The following BICC1 variants were observed in gnomAD, a reference collection of about 807,000 sequenced individuals.
BICC1 encodes the protein BicC family RNA binding protein 1, also known as protein bicaudal C homolog 1.
In BICC1, 43 loss-of-function variants were observed where a neutral mutation model predicts 111.0. The ratio of observed to expected loss-of-function variants is 0.39; its 90% CI spans 0.30 to 0.50. The LOEUF (loss-of-function observed/expected upper bound fraction) is 0.50, where lower values mean the gene tolerates loss of function less well. Among genes scored for constraint, BICC1 ranks in the 20% least tolerant of loss-of-function variants. BICC1 has a pLI of 0.88. For missense variants in BICC1, 1,091 were observed against 1,203.2 expected (o/e 0.91, Z 1.38); for synonymous variants, 467 against 434.4 (o/e 1.07, Z -0.93).
chr10:58,682,070 A>G (rs113936646), intron 2 of BICC1, among the ~76,000 whole-genome samples: 4 of 122,780 alleles, frequency 3.3e-5, no homozygotes, highest in African/African-American at 1.3e-4. Flanking sequence ...CCCTGTGTCC[A>G]AGTGTTCTCA....
At position 58,796,335 on chromosome 10, in the gene BICC1, CA is replaced by C; in HGVS notation, c.1180-4del. 1 of 1,612,398 alleles carries C rather than the reference CA, an allele frequency of 6.2e-7. No individual in the cohort carries two copies. Among genetic ancestry groups the C allele is most frequent in the Non-Finnish European group, 8.5e-7 (1 of 1,179,106 alleles). On this transcript the variant is annotated splice_region_variant and splice_polypyrimidine_tract_variant and intron_variant, in intron 9 of 20. Coordinates refer to ENST00000373886, the MANE Select transcript of BICC1 (RefSeq NM_001080512.3). ...CCTTTTTTCCCCCATTATGTGTTTT[CA>C]TAGTCTGTGATTGTGAAAAGTGTTG...
chr10:58,601,782 G>T (rs753702496), intron 1 of BICC1, among the ~76,000 whole-genome samples: 4 of 151,972 alleles, frequency 2.6e-5, no homozygotes, highest in Non-Finnish European at 5.9e-5. Context: ...TTCAACTGAG[G>T]TAAAATCTTT....
intron 3 of BICC1, among the ~76,000 whole-genome samples, chr10:58,709,632 C>T (rs1333647305): frequency 6.6e-6 from 1 of 152,188 alleles, no homozygotes; most frequent in Non-Finnish European, 1.5e-5. Flanking sequence ...GAATGTATAT[C>T]CCTAAGGTGT....
chr10:58,584,832 A>T (rs970521887), intron 1 of BICC1, among the ~76,000 whole-genome samples: 1 of 151,948 alleles, frequency 6.6e-6, no homozygotes, highest in Non-Finnish European at 1.5e-5. Flanking sequence ...CAAAATGGTT[A>T]TACAACATTT....
intron 4 of BICC1, among the ~76,000 whole-genome samples, chr10:58,786,572 T>A (rs1401282506): frequency 6.6e-6 from 1 of 152,204 alleles, no homozygotes; most frequent in African/African-American, 2.4e-5. Context: ...TTCATCTGTT[T>A]TTAGTTATTT....
intron 1 of BICC1, among the ~76,000 whole-genome samples, chr10:58,599,831 A>G (rs1453618196): frequency 6.6e-6 from 1 of 151,960 alleles, no homozygotes; most frequent in Non-Finnish European, 1.5e-5. Context: ...GATGTAAGAG[A>G]GAGACTTTTT....
At chr10:58,563,962 T>C (rs975393615) in intron 1 of BICC1, among the ~76,000 whole-genome samples, 6 of 152,254 alleles carry the variant, frequency 3.9e-5, no homozygotes, top group African/African-American at 9.6e-5. Context: ...TGTACGGCTC[T>C]TTCTTTTGTC....
chr10:58,795,364 C>T (rs1035133613), intron 9 of BICC1, among the ~76,000 whole-genome samples: 5 of 152,064 alleles, frequency 3.3e-5, no homozygotes, highest in African/African-American at 1.2e-4. Flanking sequence ...GGGAACAGGA[C>T]ATTAATTTTA....
chr10:58,729,275 G>A (rs543998677), intron 3 of BICC1, among the ~76,000 whole-genome samples: 1 of 152,302 alleles, frequency 6.6e-6, no homozygotes. Flanking sequence ...AGATCTTCTG[G>A]ATAACTTGCT....
intron 10 of BICC1, 38 bp downstream of exon 10, chr10:58,796,564 G>A (rs768391038): frequency 1.3e-6 from 2 of 1,558,318 alleles, no homozygotes; most frequent in Admixed American, 3.8e-5. Flanking sequence ...TCAGTCACTG[G>A]GGAAATGCTT....
intron 1 of BICC1, among the ~76,000 whole-genome samples, chr10:58,615,962 ACCCAGT>A: frequency 6.6e-6 from 1 of 152,204 alleles, no homozygotes; most frequent in African/African-American, 2.4e-5. Flanking sequence ...AAAAGTACAC[ACCCAGT>A]CCCTGAGGGA....
chr10:58,766,631 T>A (rs932477019), intron 3 of BICC1, among the ~76,000 whole-genome samples: 2 of 152,032 alleles, frequency 1.3e-5, no homozygotes, highest in Non-Finnish European at 2.9e-5. Flanking sequence ...CAAGAGTACC[T>A]TTGTGGGAGT....
chr10:58,676,981 A>T (rs1467740272), intron 2 of BICC1, among the ~76,000 whole-genome samples: 7 of 152,232 alleles, frequency 4.6e-5, no homozygotes, highest in Non-Finnish European at 8.8e-5. Context: ...AGGAAAACTA[A>T]CAAATAGAAA....
At chr10:58,620,155 A>AAATGAATAC (rs1425753809) in intron 1 of BICC1, among the ~76,000 whole-genome samples, 1 of 152,176 alleles carries the variant, frequency 6.6e-6, no homozygotes, top group Non-Finnish European at 1.5e-5. Context: ...CCCTCAAAAC[A>AAATGAATAC]AATGAATACA....
intron 1 of BICC1, among the ~76,000 whole-genome samples, chr10:58,545,760 G>A (rs773554510): frequency 1.2e-4 from 18 of 152,160 alleles, no homozygotes; most frequent in Admixed American, 4.6e-4. Context: ...GTATTCCTTG[G>A]GCCCTGTCCC....
intron 2 of BICC1, among the ~76,000 whole-genome samples, chr10:58,628,959 T>C (rs1206177888): frequency 6.6e-6 from 1 of 152,208 alleles, no homozygotes; most frequent in Non-Finnish European, 1.5e-5. Context: ...ACCTGACATG[T>C]AGCTTGGAGA....
chr10:58,530,600 T>C (rs1842654638), intron 1 of BICC1, among the ~76,000 whole-genome samples: 1 of 151,042 alleles, frequency 6.6e-6, no homozygotes. Context: ...AACTGTTTAC[T>C]GTAGCCTCGC....
intron 3 of BICC1, among the ~76,000 whole-genome samples, chr10:58,723,120 C>T (rs990299097): frequency 6.6e-6 from 1 of 152,114 alleles, no homozygotes; most frequent in African/African-American, 2.4e-5. Flanking sequence ...CAGACACATG[C>T]CCAATAAAAT....
At chr10:58,747,626 T>C (rs1395507262) in intron 3 of BICC1, among the ~76,000 whole-genome samples, 1 of 152,138 alleles carries the variant, frequency 6.6e-6, no homozygotes, top group Non-Finnish European at 1.5e-5. Context: ...CATTTGAAAT[T>C]TACTCTTTCA....
Sources: gnomAD v4.1 joint callset for allele counts (sites outside exome capture counted in the v4.1 genomes callset) on GRCh38, gnomAD v4.1.1 for gene constraint, MANE v1.5 for transcripts, NCBI Gene and HGNC (gene_info 2026-07-23, HGNC 2026-07-21) for gene names.